The following RNF138 variants were observed in gnomAD, a reference collection of about 807,000 sequenced individuals.
RNF138 encodes the protein E3 ubiquitin-protein ligase RNF138.
A neutral mutation model predicts 31.0 loss-of-function variants in RNF138; 12 were observed. The observed-to-expected ratio is 0.39, with a 90% CI of 0.25 to 0.63. The LOEUF (loss-of-function observed/expected upper bound fraction) is 0.63. Ranked by LOEUF, RNF138 falls within the 20% of genes least tolerant of loss-of-function variation. The pLI is 0.52. For missense variants in RNF138, 192 were observed against 300.1 expected, an observed-to-expected ratio of 0.64 and a Z score of 2.66; for synonymous variants, 105 against 99.5, an observed-to-expected ratio of 1.06 and a Z score of -0.33.
intron 2 of RNF138, among the ~76,000 whole-genome samples, chr18:32,101,561 A>AAAAATTT (rs1341354085): frequency 2.6e-5 from 4 of 152,060 alleles, no homozygotes; most frequent in African/African-American, 9.7e-5. Context: ...ACTTATTAAG[A>AAAAATTT]AAAATTTATT....
chr18:32,127,122 G>A (rs1339866259), intron 7 of RNF138, among the ~76,000 whole-genome samples: 1 of 152,076 alleles, frequency 6.6e-6, no homozygotes, highest in Non-Finnish European at 1.5e-5. Flanking sequence ...AGTAAAATTG[G>A]TACAACATAT....
intron 2 of RNF138, among the ~76,000 whole-genome samples, chr18:32,102,872 C>G (rs2039967770): frequency 6.6e-6 from 1 of 152,026 alleles, no homozygotes; most frequent in Non-Finnish European, 1.5e-5. Flanking sequence ...CTTAGGTGAT[C>G]CACCTGCCTT....
Position 32,130,357 on chromosome 18 carries a change from G to A in RNF138, c.*1170G>A, listed in dbSNP as rs2040453726. The stretch of plus-strand genomic sequence containing the variant: ...CTCATTTGTTATTCTCAAATATAAT[G>A]TGTGACCGTGATATAGTGAGAAAGA... On this transcript the variant is annotated 3_prime_UTR_variant, in exon 8 of 8. Coordinates refer to ENST00000261593, the MANE Select transcript of RNF138 (RefSeq NM_016271.5). The A allele has an allele frequency of 6.6e-6, 1 of 152,252 alleles. No individual in the cohort carries two copies. The highest frequency in any genetic ancestry group is 1.5e-5 in the Non-Finnish European group (1 of 67,854). The allele number at this position is 152,252 out of a possible 1,614,324, so 9.4% of individuals were successfully genotyped here. A position where few individuals can be genotyped will look rare whatever the true frequency, so the allele number is the denominator to read the frequency against.
rs1236968592 is a variant in RNF138, at chr18:32,127,829, C to T, written c.669+1029C>T. Among the ~76,000 whole-genome samples, 3 of 152,102 alleles carry T rather than the reference C, an allele frequency of 2.0e-5. No individual in the cohort carries two copies. In the East Asian group the frequency reaches 5.8e-4, roughly 29 times the overall value. On this transcript the variant is annotated intron_variant, in intron 7 of 7. Transcript: ENST00000261593. ...GGCTTGGTGGCTCACACCTGTAATC[C>T]CAGCACTTTGGGAGGCCGAGGTGGG...
chr18:32,126,502 CTG>C (rs1340991034), intron 6 of RNF138, among the ~76,000 whole-genome samples, 189 bp from the exon 7 acceptor site: 2 of 152,096 alleles, frequency 1.3e-5, no homozygotes, highest in African/African-American at 4.8e-5. Flanking sequence ...AGATTTCTCA[CTG>C]TGTTAGATTA....
intron 2 of RNF138, among the ~76,000 whole-genome samples, chr18:32,097,301 TA>T (rs1217869087): frequency 1.3e-5 from 2 of 152,220 alleles, no homozygotes; most frequent in Non-Finnish European, 2.9e-5. Context: ...GCTGAACTCT[TA>T]AAAATGGAAA....
Position 32,113,756 on chromosome 18 carries a change from T to C in RNF138, c.288T>C (p.Tyr96=). 7.1e-7 allele frequency: 1 copy of C among 1,401,488 alleles called. No homozygotes were observed. The highest frequency in any genetic ancestry group is 9.7e-7 in the Non-Finnish European group (1 of 1,030,246). 86.8% of individuals were successfully genotyped at this position (1,401,488 alleles called of 1,614,324 possible). ...CRCCAKQIKF[Y]RMRHHYKSCK... ...TTAATAATTTACAGATTAAATTCTA[T>C]CGCATGAGACATCATTACAAATCTT... is the stretch of plus-strand genomic sequence containing the variant. The change falls in exon 4 of 8, where the codon TAT becomes TAC. Residue 96 remains tyrosine, a synonymous_variant. Transcript: ENST00000261593.
rs1030901385 is a variant in RNF138 at position 32,129,794 on chromosome 18, T to TAAAG, written c.*609_*612dup. 6.5e-6 allele frequency: 1 copy of TAAAG among 152,720 alleles called. No individual in the cohort carries two copies. Among genetic ancestry groups the TAAAG allele is most frequent in the South Asian group, 2.1e-4 (1 of 4,826 alleles). 9.5% of individuals were successfully genotyped at this position (152,720 alleles called of 1,614,324 possible). On this transcript the variant is annotated 3_prime_UTR_variant, in exon 8 of 8. Transcript: ENST00000261593. ...TTCTTTAAAAAGTGAAAGCTTGTTG[T>TAAAG]AAAGATATTTTCTTTTTGTTATTAG...
At chr18:32,092,642 C>T (rs890960438) in intron 1 of RNF138, 58 bp from the exon 2 acceptor site, 10 of 660,036 alleles carry the variant, frequency 1.5e-5, no homozygotes, top group Non-Finnish European at 1.9e-5. Context: ...GCCCCGCCCC[C>T]TTCCTGGCGC....
At chr18:32,100,930 T>C (rs4799632) in intron 2 of RNF138, among the ~76,000 whole-genome samples, 69,234 of 152,002 alleles carry the variant, frequency 0.46, 16,395 homozygotes, top group East Asian at 0.64. Flanking sequence ...TTAAAATAAA[T>C]GCTCAGAAAA....
rs2144247960 is a variant in RNF138 at position 32,113,878 on chromosome 18, C to A, written c.392+18C>A. 2 of 1,148,414 alleles carry A rather than the reference C, an allele frequency of 1.7e-6. No homozygotes were observed. The highest frequency in any genetic ancestry group is 5.0e-5 in the East Asian group (2 of 40,138). The allele number at this position is 1,148,414 out of a possible 1,614,324, so 71.1% of individuals were successfully genotyped here. On this transcript the variant is annotated intron_variant, in intron 4 of 7. Transcript: ENST00000261593. Reference sequence around the variant, plus strand: ...GGGAACAGGTAAGCAATACTTATTCCTAAATACAGAATTTTCATAATTGAA... The same window carrying A: ...GGGAACAGGTAAGCAATACTTATTCATAAATACAGAATTTTCATAATTGAA...
At chr18:32,092,600 G>A in intron 1 of RNF138, 100 bp from the exon 2 acceptor site, 1 of 588,524 alleles carries the variant, frequency 1.7e-6, no homozygotes, top group South Asian at 2.0e-5. Context: ...TGCGGCAGTA[G>A]CGTCTCTGCG....
At chr18:32,096,371 G>GA (rs1555696975) in intron 2 of RNF138, among the ~76,000 whole-genome samples, 1 of 152,142 alleles carries the variant, frequency 6.6e-6, no homozygotes, top group Non-Finnish European at 1.5e-5. Flanking sequence ...ATGGAGCAGA[G>GA]AGACTCCTGA....
intron 5 of RNF138, 64 bp downstream of exon 5, chr18:32,123,638 C>T: frequency 5.1e-6 from 5 of 989,804 alleles, no homozygotes; most frequent in African/African-American, 1.7e-5. Context: ...TATCAAATAG[C>T]TTTTTAAATT....
At chr18:32,092,629 A>G (rs1029832306) in intron 1 of RNF138, 71 bp from the exon 2 acceptor site, 27 of 636,766 alleles carry the variant, frequency 4.2e-5, no homozygotes, top group Non-Finnish European at 6.9e-5. Flanking sequence ...CGCCCTACCC[A>G]GGGCCCCGCC....
chr18:32,126,661 AT>A, intron 6 of RNF138, 31 bp from the exon 7 acceptor site: 1 of 1,234,110 alleles, frequency 8.1e-7, no homozygotes, highest in Non-Finnish European at 1.2e-6. Flanking sequence ...TGTTTTTATT[AT>A]TTTTTGTTTA....
intron 1 of RNF138, among the ~76,000 whole-genome samples, 155 bp downstream of exon 1, chr18:32,092,390 G>T (rs955287041): frequency 6.6e-6 from 1 of 152,084 alleles, no homozygotes; most frequent in Non-Finnish European, 1.5e-5. Context: ...CGAAGACGGG[G>T]GCTGAGGGCG....
At chr18:32,126,230 G>A (rs890236069) in intron 6 of RNF138, among the ~76,000 whole-genome samples, 1 of 152,086 alleles carries the variant, frequency 6.6e-6, no homozygotes, top group African/African-American at 2.4e-5. Flanking sequence ...TGTGTCTCTA[G>A]TTTTAAGAAA....
intron 2 of RNF138, among the ~76,000 whole-genome samples, chr18:32,101,504 CATTTT>C (rs2039939904): frequency 6.6e-6 from 1 of 152,042 alleles, no homozygotes; most frequent in Admixed American, 6.6e-5. Flanking sequence ...GGTTTATTAA[CATTTT>C]ATTTTTTTAA....
Sources: gnomAD v4.1 joint callset for allele counts (sites outside exome capture counted in the v4.1 genomes callset) on GRCh38, gnomAD v4.1.1 for gene constraint, MANE v1.5 for transcripts, NCBI Gene and HGNC (gene_info 2026-07-23, HGNC 2026-07-21) for gene names.